DLG2: variants seen among roughly 807,000 people sequenced by gnomAD.
DLG2 encodes disks large homolog 2.
A neutral mutation model predicts 132.5 loss-of-function variants in DLG2; 45 were observed. The observed-to-expected ratio is 0.34, with a 90% CI of 0.27 to 0.44. The LOEUF is 0.44. DLG2 is among the 20% of genes least tolerant of loss of function. The pLI is 1.00. For missense variants in DLG2, 1,045 were observed against 1,196.9 expected, an observed-to-expected ratio of 0.87 and a Z score of 1.87; for synonymous variants, 424 against 419.6, an observed-to-expected ratio of 1.01 and a Z score of -0.13.
chr11:84,778,624 T>C (rs371975017), intron 6 of DLG2, among the ~76,000 whole-genome samples: 2 of 152,162 alleles, frequency 1.3e-5, no homozygotes, highest in African/African-American at 2.4e-5. Flanking sequence ...TATTTCATCA[T>C]TGTTTTGTAG....
At chr11:84,058,680 C>G (rs1482504902) in intron 11 of DLG2, among the ~76,000 whole-genome samples, 1 of 151,302 alleles carries the variant, frequency 6.6e-6, no homozygotes, top group Non-Finnish European at 1.5e-5. Flanking sequence ...GAGTGAGACC[C>G]TGCCTTAAAA....
intron 19 of DLG2, among the ~76,000 whole-genome samples, chr11:83,624,466 T>G (rs1293858548): frequency 1.3e-5 from 2 of 152,182 alleles, no homozygotes; most frequent in Non-Finnish European, 2.9e-5. Context: ...AGGATACAAC[T>G]AAAAATGCAA....
At chr11:83,844,457 A>T (rs2058227531) in intron 16 of DLG2, among the ~76,000 whole-genome samples, 1 of 143,128 alleles carries the variant, frequency 7.0e-6, no homozygotes, top group Admixed American at 7.2e-5. Flanking sequence ...CTGAGGCACG[A>T]GAATTGCTTG....
intron 7 of DLG2, among the ~76,000 whole-genome samples, chr11:84,285,696 C>T (rs980191887): frequency 1.3e-5 from 2 of 152,170 alleles, no homozygotes; most frequent in African/African-American, 4.8e-5. Context: ...CAGCTGAGCA[C>T]CACTGCCCTA....
At chr11:83,752,065 G>A (rs570385671) in intron 18 of DLG2, among the ~76,000 whole-genome samples, 18 of 152,250 alleles carry the variant, frequency 1.2e-4, no homozygotes, top group Non-Finnish European at 2.5e-4. Context: ...TCAGGAGATC[G>A]AGACCATCCT....
intron 6 of DLG2, among the ~76,000 whole-genome samples, chr11:84,841,246 T>C (rs2080634859): frequency 6.6e-6 from 1 of 151,938 alleles, no homozygotes; most frequent in Non-Finnish European, 1.5e-5. Context: ...TACTTTTATA[T>C]AAGAAAGGAG....
intron 6 of DLG2, among the ~76,000 whole-genome samples, chr11:84,673,177 G>A (rs1266408424): frequency 3.9e-5 from 6 of 152,066 alleles, no homozygotes; most frequent in Non-Finnish European, 8.8e-5. Flanking sequence ...CCTGGACATG[G>A]AATGCACAAG....
intron 7 of DLG2, among the ~76,000 whole-genome samples, chr11:84,485,142 G>T (rs2099147581): frequency 6.6e-6 from 1 of 152,124 alleles, no homozygotes; most frequent in Admixed American, 6.6e-5. Flanking sequence ...ACACAGTAAA[G>T]AATTTAATTG....
intron 6 of DLG2, among the ~76,000 whole-genome samples, chr11:85,002,601 G>C (rs2058311510): frequency 6.6e-6 from 1 of 152,116 alleles, no homozygotes. Flanking sequence ...TTAAGTGAAT[G>C]TGGCCTTGAG....
intron 7 of DLG2, among the ~76,000 whole-genome samples, chr11:84,513,692 T>G (rs1391637084): frequency 2.0e-5 from 3 of 151,398 alleles, no homozygotes; most frequent in Non-Finnish European, 1.5e-5. Flanking sequence ...GAAAATGAAC[T>G]AAAGACTTAA....
chr11:84,796,137 C>T (rs895785054), intron 6 of DLG2, among the ~76,000 whole-genome samples: 5 of 152,130 alleles, frequency 3.3e-5, no homozygotes, highest in East Asian at 1.9e-4. Flanking sequence ...CCAAGTATCT[C>T]GTGACAGATG....
intron 3 of DLG2, among the ~76,000 whole-genome samples, chr11:85,317,060 A>C (rs1217886968): frequency 6.6e-6 from 1 of 151,978 alleles, no homozygotes; most frequent in East Asian, 1.9e-4. Context: ...ATCAACTTTG[A>C]AGGTAAAAGG....
At chr11:83,645,564 C>G (rs532718739) in intron 18 of DLG2, among the ~76,000 whole-genome samples, 1 of 152,168 alleles carries the variant, frequency 6.6e-6, no homozygotes, top group African/African-American at 2.4e-5. Context: ...TAAAAATCAG[C>G]TAGGAGACAG....
At position 84,010,066 on chromosome 11, in the gene DLG2, A is replaced by C. The variant is rs74473893; in HGVS notation, c.920-29424T>G. Among the ~76,000 whole-genome samples, 57 of 152,182 alleles carry C rather than the reference A, an allele frequency of 3.7e-4. No homozygotes were observed. In the East Asian group the frequency reaches 0.01, roughly 27 times the overall value. On this transcript the variant is annotated intron_variant, in intron 11 of 27. Coordinates refer to ENST00000376104, the MANE Select transcript of DLG2 (RefSeq NM_001142699.3). ...CATTCTACAAATACATACTAATCTT[A>C]GTAGCAGAAACAATAAAAATGAATT... is the stretch of plus-strand genomic sequence containing the variant.
At chr11:84,850,418 C>T (rs1338949183) in intron 6 of DLG2, among the ~76,000 whole-genome samples, 1 of 152,084 alleles carries the variant, frequency 6.6e-6, no homozygotes, top group Non-Finnish European at 1.5e-5. Flanking sequence ...AATAAATAAA[C>T]TTTTATGGGA....
chr11:83,979,892 G>T (rs1035660496), intron 12 of DLG2, among the ~76,000 whole-genome samples: 4 of 152,038 alleles, frequency 2.6e-5, no homozygotes, highest in African/African-American at 9.7e-5. Context: ...ACATTATGTT[G>T]GAAGAACAAC....
intron 7 of DLG2, among the ~76,000 whole-genome samples, chr11:84,417,005 C>A (rs1387093453): frequency 6.6e-6 from 1 of 152,104 alleles, no homozygotes; most frequent in Non-Finnish European, 1.5e-5. Context: ...AGTAGCCACA[C>A]AAAAGCCTAT....
intron 6 of DLG2, among the ~76,000 whole-genome samples, chr11:85,051,823 T>C (rs1245726235): frequency 6.6e-6 from 1 of 152,106 alleles, no homozygotes; most frequent in African/African-American, 2.4e-5. Context: ...TTAAATTGCA[T>C]GCAAAAGCAC....
chr11:85,405,182 C>A (rs975297686), intron 3 of DLG2, among the ~76,000 whole-genome samples: 1 of 151,856 alleles, frequency 6.6e-6, no homozygotes, highest in African/African-American at 2.4e-5. Context: ...AGCTCTGCCC[C>A]TTGCATGCTA....
Sources: gnomAD v4.1 joint callset for allele counts (sites outside exome capture counted in the v4.1 genomes callset) on GRCh38, gnomAD v4.1.1 for gene constraint, MANE v1.5 for transcripts, NCBI Gene and HGNC (gene_info 2026-07-23, HGNC 2026-07-21) for gene names.